The following PPP4R3B variants were observed in gnomAD, a reference collection of about 807,000 sequenced individuals.
PPP4R3B encodes the protein protein phosphatase 4 regulatory subunit 3B.
In PPP4R3B, 52 loss-of-function variants were observed where a neutral mutation model predicts 95.4. The ratio of observed to expected loss-of-function variants is 0.54; its 90% CI spans 0.44 to 0.69. The LOEUF (loss-of-function observed/expected upper bound fraction) is 0.69, where lower values mean the gene tolerates loss of function less well. PPP4R3B is among the 30% of genes least tolerant of loss of function. The probability of loss-of-function intolerance (pLI) is 0.00; values close to 1 mark genes in which losing one functional copy is unlikely to be tolerated. For synonymous variants in PPP4R3B, 407 were observed against 343.9 expected, an observed-to-expected ratio of 1.18 and a Z score of -2.03; for missense variants, 1,003 against 1,005.9, an observed-to-expected ratio of 1.00 and a Z score of 0.04.
chr2:55,615,028 G>A (rs1440744560), intron 2 of PPP4R3B: 2 of 154,584 alleles, frequency 1.3e-5, no homozygotes, highest in Non-Finnish European at 2.9e-5. Context: ...AGGATTTAAT[G>A]CTTCTACTTC....
At chr2:55,608,544 A>G (rs1009401222) in intron 2 of PPP4R3B, among the ~76,000 whole-genome samples, 4 of 152,044 alleles carry the variant, frequency 2.6e-5, no homozygotes, top group African/African-American at 9.7e-5. Context: ...CCTCAATCCA[A>G]TCCAACATTA....
In PPP4R3B at chr2:55,598,780, T is replaced by C; in HGVS notation, c.557A>G (p.Glu186Gly). The change falls in exon 4 of 17, where the codon GAA (glutamate) becomes GGA (glycine). Residue 186 changes from glutamate to glycine, a missense_variant. By Grantham distance (98) the Glu-to-Gly change is moderately conservative. Coordinates refer to ENST00000616407, the MANE Select transcript of PPP4R3B (RefSeq NM_001122964.3). ...CAAATGGTGTAAGCCTTCAGTGTTT[T>C]CTAGGTTCTCGCAAGCTTGGAACAG... is the stretch of plus-strand genomic sequence containing the variant. The part of the protein sequence containing the change: ...LQLFQACENL[E>G]NTEGLHHLYE... 3 of 1,614,240 alleles carry C rather than the reference T, an allele frequency of 1.9e-6. No individual in the cohort carries two copies. Among genetic ancestry groups the C allele is most frequent in the East Asian group, 2.2e-5 (1 of 44,876 alleles).
intron 3 of PPP4R3B, among the ~76,000 whole-genome samples, chr2:55,602,560 C>A (rs1014936139): frequency 1.3e-5 from 2 of 152,230 alleles, no homozygotes; most frequent in African/African-American, 4.8e-5. Context: ...GTCAGCCACA[C>A]AGGCGGTCAG....
chr2:55,612,556 C>T (rs957818050), intron 2 of PPP4R3B, among the ~76,000 whole-genome samples: 2 of 152,084 alleles, frequency 1.3e-5, no homozygotes, highest in Non-Finnish European at 2.9e-5. Context: ...TCTCTACAAA[C>T]ACAACAACAA....
chr2:55,586,025 T>C (rs1192452001), intron 6 of PPP4R3B, among the ~76,000 whole-genome samples: 1 of 151,994 alleles, frequency 6.6e-6, no homozygotes, highest in African/African-American at 2.4e-5. Flanking sequence ...ACTAAAGGGA[T>C]TAGCAGGAAA....
rs143022582 is a variant in PPP4R3B at position 55,548,594 on chromosome 2, G to T, written c.*1317C>A. 2.6e-5 allele frequency: 4 copies of T among 152,518 alleles called. No homozygotes were observed. Among genetic ancestry groups the T allele is most frequent in the African/African-American group, 9.6e-5 (4 of 41,502 alleles). The allele number at this position is 152,518 out of a possible 1,614,324, so 9.4% of individuals were successfully genotyped here. Reference sequence around the variant, plus strand: ...ATTAACTACAAAATCTCCAAAACAGGGGAAACTGCTTTAGATTAAACGATT... The same window carrying T: ...ATTAACTACAAAATCTCCAAAACAGTGGAAACTGCTTTAGATTAAACGATT... On this transcript the variant is annotated 3_prime_UTR_variant, in exon 17 of 17. Coordinates refer to ENST00000616407, the MANE Select transcript of PPP4R3B (RefSeq NM_001122964.3).
chr2:55,601,045 G>A (rs979265029), intron 3 of PPP4R3B, among the ~76,000 whole-genome samples: 2 of 151,260 alleles, frequency 1.3e-5, no homozygotes, highest in East Asian at 3.9e-4. Flanking sequence ...TATTAGGGAG[G>A]CTGAAGTGAG....
Position 55,604,080 on chromosome 2 carries a change from T to C in PPP4R3B, c.199-4A>G. 5 of 1,590,666 alleles carry C rather than the reference T, an allele frequency of 3.1e-6. No individual in the cohort carries two copies. The highest frequency in any genetic ancestry group is 4.3e-6 in the Non-Finnish European group (5 of 1,170,000). ...CTGACCAAACAATTAATGTATCCTG[T>C]TTAAAAATAAATATTTCCATATCAT... is the stretch of plus-strand genomic sequence containing the variant. On this transcript the variant is annotated splice_region_variant and splice_polypyrimidine_tract_variant and intron_variant, in intron 2 of 16. Coordinates refer to ENST00000616407, the MANE Select transcript of PPP4R3B (RefSeq NM_001122964.3).
intron 2 of PPP4R3B, among the ~76,000 whole-genome samples, chr2:55,613,171 A>G (rs1011846385): frequency 2.0e-5 from 3 of 152,176 alleles, no homozygotes; most frequent in African/African-American, 4.8e-5. Flanking sequence ...AACCATGTCT[A>G]TTACAAAGAA....
At chr2:55,586,512 C>G in intron 6 of PPP4R3B, 106 bp downstream of exon 6, 1 of 601,172 alleles carries the variant, frequency 1.7e-6, no homozygotes, top group Non-Finnish European at 2.8e-6. Context: ...ATTAAGATAG[C>G]TAAACTATAG....
chr2:55,554,417 GT>G (rs1685590460), intron 16 of PPP4R3B, among the ~76,000 whole-genome samples: 1 of 152,128 alleles, frequency 6.6e-6, no homozygotes, highest in Non-Finnish European at 1.5e-5. Context: ...ACCAACACTT[GT>G]TTTTGTGCAT....
chr2:55,552,297 ATATT>A (rs1291945750), intron 16 of PPP4R3B, among the ~76,000 whole-genome samples: 5 of 149,384 alleles, frequency 3.3e-5, no homozygotes, highest in Non-Finnish European at 7.4e-5. Flanking sequence ...GATTGAAATT[ATATT>A]TACTCTTTTA....
chr2:55,564,236 A>T, intron 15 of PPP4R3B, 77 bp downstream of exon 15: 1 of 1,313,354 alleles, frequency 7.6e-7, no homozygotes, highest in Non-Finnish European at 1.0e-6. Flanking sequence ...AACTATAAAC[A>T]AACCTTCACA....
At chr2:55,557,723 A>G (rs1000424076) in intron 16 of PPP4R3B, among the ~76,000 whole-genome samples, 1 of 152,156 alleles carries the variant, frequency 6.6e-6, no homozygotes, top group African/African-American at 2.4e-5. Flanking sequence ...TTAGGTATGT[A>G]CTACCACGGT....
chr2:55,596,714 G>A (rs1403068926), intron 4 of PPP4R3B, among the ~76,000 whole-genome samples: 1 of 152,244 alleles, frequency 6.6e-6, no homozygotes, highest in African/African-American at 2.4e-5. Context: ...TGTAATCCCA[G>A]CACTTTGGGA....
intron 15 of PPP4R3B, among the ~76,000 whole-genome samples, chr2:55,560,004 C>G (rs781727170): frequency 6.6e-6 from 1 of 152,078 alleles, no homozygotes; most frequent in African/African-American, 2.4e-5. Context: ...CACCTATAAT[C>G]CCAGCTGCTC....
chr2:55,572,194 T>A (rs1256793444), intron 12 of PPP4R3B, among the ~76,000 whole-genome samples: 1 of 150,860 alleles, frequency 6.6e-6, no homozygotes, highest in Non-Finnish European at 1.5e-5. Flanking sequence ...TAGAAGAAAG[T>A]GAGAATATCT....
chr2:55,613,082 G>A (rs1305856773), intron 2 of PPP4R3B, among the ~76,000 whole-genome samples: 1 of 152,068 alleles, frequency 6.6e-6, no homozygotes, highest in African/African-American at 2.4e-5. Context: ...CTGTACTCCA[G>A]CCTAAGGGAC....
chr2:55,599,193 T>C (rs1050208460), intron 3 of PPP4R3B, among the ~76,000 whole-genome samples, 154 bp from the exon 4 acceptor site: 6 of 152,202 alleles, frequency 3.9e-5, no homozygotes, highest in Admixed American at 6.5e-5. Context: ...ATCCCAGCAC[T>C]TTAGGTGGCT....
Sources: gnomAD v4.1 joint callset for allele counts (sites outside exome capture counted in the v4.1 genomes callset) on GRCh38, gnomAD v4.1.1 for gene constraint, MANE v1.5 for transcripts, NCBI Gene and HGNC (gene_info 2026-07-23, HGNC 2026-07-21) for gene names.